Variants in ING3 observed in about 807,000 individuals in gnomAD.
The protein encoded by ING3 is inhibitor of growth protein 3.
In ING3, 6 loss-of-function variants were observed where a neutral mutation model predicts 64.8. The observed-to-expected ratio is 0.09, with a 90% confidence interval of 0.05 to 0.18. The LOEUF (loss-of-function observed/expected upper bound fraction) is 0.18. Among genes scored for constraint, ING3 ranks in the 10% least tolerant of loss-of-function variants. ING3 has a pLI of 1.00. For synonymous variants in ING3, 170 were observed against 173.7 expected (o/e 0.98, Z 0.17); for missense variants, 310 against 489.7 (o/e 0.63, Z 3.46).
intron 5 of ING3, 131 bp downstream of exon 5, chr7:120,964,969 G>A: frequency 1.5e-6 from 1 of 651,492 alleles, no homozygotes; most frequent in Non-Finnish European, 2.7e-6. Context: ...AGATAGCTTG[G>A]ACCCTAACAG....
At position 120,968,043 on chromosome 7, in the gene ING3, A is replaced by T. The variant is rs932530308; in HGVS notation, c.666A>T (p.Ala222=). ...GCTCGTTATCTTCAGGAACTGGTGC[A>T]GGGGCAATTACCATGGCAGCTGCTC... is the stretch of plus-strand genomic sequence containing the variant. ...NIGSLSSGTG[A]GAITMAAAQA... The change falls in exon 8 of 12, where the codon GCA becomes GCT. Residue 222 remains alanine, a synonymous_variant. Transcript: ENST00000315870. 6.2e-7 allele frequency: 1 copy of T among 1,614,174 alleles called. No homozygotes were observed. Among genetic ancestry groups the T allele is most frequent in the African/African-American group, 1.3e-5 (1 of 75,058 alleles).
At chr7:120,960,396 A>G (rs1419773801) in intron 4 of ING3, among the ~76,000 whole-genome samples, 3 of 152,220 alleles carry the variant, frequency 2.0e-5, no homozygotes, top group Non-Finnish European at 4.4e-5. Flanking sequence ...TATAGACCTT[A>G]AAAGAGATTT....
chr7:120,956,896 T>G, intron 4 of ING3: 1 of 773,706 alleles, frequency 1.3e-6, no homozygotes, highest in Non-Finnish European at 1.6e-6. Flanking sequence ...TATTATTTTG[T>G]TGTTTTATTG....
At chr7:120,973,743 A>G (rs1240786663) in intron 11 of ING3, among the ~76,000 whole-genome samples, 1 of 152,178 alleles carries the variant, frequency 6.6e-6, no homozygotes, top group African/African-American at 2.4e-5. Context: ...AGTAAAGGAA[A>G]TTTGAAAGGA....
chr7:120,958,998 A>G (rs1425539295), intron 4 of ING3, among the ~76,000 whole-genome samples: 1 of 152,200 alleles, frequency 6.6e-6, no homozygotes, highest in Non-Finnish European at 1.5e-5. Context: ...AATTCTTTTT[A>G]ACTGACCCTA....
intron 2 of ING3, among the ~76,000 whole-genome samples, chr7:120,952,130 T>C (rs1795775787): frequency 6.6e-6 from 1 of 152,264 alleles, no homozygotes; most frequent in African/African-American, 2.4e-5. Flanking sequence ...ATATGAAGTA[T>C]GAATTGTGTG....
Position 120,951,185 on chromosome 7 carries a change from A to C in ING3, c.50A>C (p.Asp17Ala), listed in dbSNP as rs769040781. 1.9e-6 allele frequency: 3 copies of C among 1,614,054 alleles called. No individual in the cohort carries two copies. The highest frequency in any genetic ancestry group is 2.5e-6 in the Non-Finnish European group (3 of 1,179,994). The change falls in exon 2 of 12, where the codon GAT becomes GCT. Residue 17 changes from aspartate to alanine, a missense_variant. Transcript: ENST00000315870. ...ACAGTGATTGAGCAGCTTCCTATGG[A>C]TCTGCGGGACCGCTTCACGGAAATG... is the stretch of plus-strand genomic sequence containing the variant. The part of the protein sequence containing the change: ...YLEMIEQLPM[D>A]LRDRFTEMRE...
intron 4 of ING3, among the ~76,000 whole-genome samples, chr7:120,963,410 A>G (rs949751940): frequency 6.6e-6 from 1 of 151,992 alleles, no homozygotes; most frequent in Non-Finnish European, 1.5e-5. Context: ...ACTAGTTTTT[A>G]TACTTGAGTT....
At chr7:120,974,349 T>C (rs748593620) in intron 11 of ING3, among the ~76,000 whole-genome samples, 13 of 152,224 alleles carry the variant, frequency 8.5e-5, no homozygotes, top group Admixed American at 1.3e-4. Flanking sequence ...TATTCTACTT[T>C]ATGAGACAGC....
chr7:120,972,728 A>G (rs1009410342), intron 10 of ING3, among the ~76,000 whole-genome samples: 2 of 152,194 alleles, frequency 1.3e-5, no homozygotes, highest in African/African-American at 4.8e-5. Context: ...TGAACTCAAG[A>G]ATTAGCAAGT....
At chr7:120,962,066 A>G (rs1562974756) in intron 4 of ING3, among the ~76,000 whole-genome samples, 3 of 152,176 alleles carry the variant, frequency 2.0e-5, no homozygotes, top group Non-Finnish European at 4.4e-5. Context: ...GTTCAGAATC[A>G]TGTAGGTTGA....
intron 9 of ING3, 150 bp downstream of exon 9, chr7:120,969,354 G>A (rs570602732): frequency 4.5e-5 from 21 of 470,164 alleles, no homozygotes; most frequent in African/African-American, 3.6e-4. Flanking sequence ...TCATTTTATA[G>A]TGCCATACTT....
intron 3 of ING3, 138 bp from the exon 4 acceptor site, chr7:120,955,421 G>T (rs1242128386): frequency 1.6e-6 from 1 of 609,112 alleles, no homozygotes; most frequent in Non-Finnish European, 2.8e-6. Flanking sequence ...ACTGCCCCTG[G>T]CCTCTAACAG....
intron 10 of ING3, 97 bp downstream of exon 10, chr7:120,970,977 A>T (rs1169082564): frequency 1.1e-5 from 14 of 1,230,360 alleles, no homozygotes; most frequent in Non-Finnish European, 1.6e-5. Context: ...CACTTAAAAT[A>T]CCTTTGCTTT....
intron 5 of ING3, among the ~76,000 whole-genome samples, chr7:120,966,193 A>G (rs770744499): frequency 6.6e-6 from 1 of 152,140 alleles, no homozygotes; most frequent in Non-Finnish European, 1.5e-5. Context: ...TGTCATTTTA[A>G]TGATCAAATA....
intron 4 of ING3, among the ~76,000 whole-genome samples, chr7:120,957,752 G>A (rs1393499522): frequency 6.6e-6 from 1 of 152,164 alleles, no homozygotes; most frequent in East Asian, 1.9e-4. Flanking sequence ...AGTAATAAAG[G>A]CGAGGTAGTA....
chr7:120,959,630 ATTTTTTTTTTTT>A lies in ING3; in HGVS notation c.267+4028_267+4039del, dbSNP rs397889009. On this transcript the variant is annotated intron_variant, in intron 4 of 11. Transcript: ENST00000315870. ...CCTATACTCCTTGTCACTTCCTCAC[ATTTTTTTTTTTT>A]TTTTTTTTTTTTTTTTTTTTTGAGA... Among the ~76,000 whole-genome samples, 195 of 55,700 alleles carry A rather than the reference ATTTTTTTTTTTT, an allele frequency of 3.5e-3. 1 individual carries two copies. Among genetic ancestry groups the A allele is most frequent in the African/African-American group, 0.01 (139 of 13,686 alleles). The allele number at this position is 55,700 out of a possible 152,430, so 36.5% of individuals were successfully genotyped here. A position where few individuals can be genotyped will look rare whatever the true frequency, so the allele number is the denominator to read the frequency against.
At chr7:120,953,839 T>C (rs1045075420) in intron 3 of ING3, among the ~76,000 whole-genome samples, 1 of 152,208 alleles carries the variant, frequency 6.6e-6, no homozygotes, top group African/African-American at 2.4e-5. Flanking sequence ...GAAAGCCTTC[T>C]AGTTTAAACT....
At chr7:120,953,797 G>T (rs1269197477) in intron 3 of ING3, among the ~76,000 whole-genome samples, 3 of 152,094 alleles carry the variant, frequency 2.0e-5, no homozygotes, top group Non-Finnish European at 4.4e-5. Context: ...ACCCACAGAA[G>T]AACGAAATCT....
Sources: allele counts gnomAD v4.1 joint callset (sites outside exome capture counted in the v4.1 genomes callset), GRCh38; gene constraint gnomAD v4.1.1; transcripts MANE v1.5; gene names NCBI Gene and HGNC (gene_info 2026-07-23, HGNC 2026-07-21).